GREB1: variants seen among roughly 807,000 people sequenced by gnomAD.
GREB1 encodes growth regulating estrogen receptor binding 1, also known as protein GREB1.
A neutral mutation model predicts 200.7 loss-of-function variants in GREB1; 106 were observed. That is an observed-to-expected ratio of 0.53 (90% CI 0.45 to 0.62). GREB1 has a LOEUF of 0.62. GREB1 is among the 20% of genes least tolerant of loss of function. The pLI is 0.00. For synonymous variants in GREB1, 1,132 were observed against 1,092.4 expected, an observed-to-expected ratio of 1.04 and a Z score of -0.72; for missense variants, 2,243 against 2,556.8, an observed-to-expected ratio of 0.88 and a Z score of 2.65.
rs575515623 is a variant in GREB1 at position 11,622,123 on chromosome 2, C to T, written c.4147+1116C>T. Among the ~76,000 whole-genome samples, 9 of 152,298 alleles carry T rather than the reference C, an allele frequency of 5.9e-5. No individual in the cohort carries two copies. The South Asian group carries it at 6.2e-4, about 11-fold the overall frequency. The stretch of plus-strand genomic sequence containing the variant: ...TTAGACAAATTCTAGCTATGTTGCC[C>T]GGGCTGGAGTGCAGTGGCACCATCT... On this transcript the variant is annotated intron_variant, in intron 23 of 32. Transcript: ENST00000381486.
intron 4 of GREB1, among the ~76,000 whole-genome samples, chr2:11,567,505 C>T (rs777394916): frequency 6.6e-6 from 1 of 152,160 alleles, no homozygotes; most frequent in Non-Finnish European, 1.5e-5. Context: ...GTAAAGAGGA[C>T]AGAGCCAGGA....
intron 10 of GREB1, chr2:11,592,173 C>A: frequency 1.2e-6 from 1 of 842,360 alleles, no homozygotes; most frequent in Non-Finnish European, 1.4e-6. Flanking sequence ...ATTTGGCTTC[C>A]TACTTTTTTT....
At chr2:11,596,817 T>TAGATCG (rs1681299954) in intron 13 of GREB1, among the ~76,000 whole-genome samples, 1 of 85,728 alleles carries the variant, frequency 1.2e-5, no homozygotes, top group Admixed American at 1.7e-4. Flanking sequence ...GGGGCAGGAT[T>TAGATCG]GCAGGTGTGT....
chr2:11,589,323 A>T (rs1572838479), intron 10 of GREB1, among the ~76,000 whole-genome samples: 1 of 152,326 alleles, frequency 6.6e-6, no homozygotes, highest in East Asian at 1.9e-4. Flanking sequence ...TAGGTCATGA[A>T]GAAAGGCCTC....
intron 1 of GREB1, among the ~76,000 whole-genome samples, chr2:11,542,045 T>G (rs1232200223): frequency 6.6e-6 from 1 of 151,778 alleles, no homozygotes; most frequent in Non-Finnish European, 1.5e-5. Context: ...TCTCTTCTAT[T>G]TTGCATTACA....
Position 11,597,407 on chromosome 2 carries a change from C to G in GREB1, c.1955-374C>G, listed in dbSNP as rs567849737. ...TTATTCATACAGAGTTCCTAAATGA[C>G]TGTCGTGTTAGTTTTCTTTTCTGGA... On this transcript the variant is annotated intron_variant, in intron 13 of 32. Coordinates refer to ENST00000381486, the MANE Select transcript of GREB1 (RefSeq NM_014668.4). This position sits in a 1 kb window ranked among gnomAD's most constrained non-coding sequence, Gnocchi z 4.1. 6.6e-6 allele frequency among the ~76,000 whole-genome samples: 1 copy of G among 152,184 alleles called. No homozygotes were observed. Among genetic ancestry groups the G allele is most frequent in the South Asian group, 2.1e-4 (1 of 4,812 alleles).
intron 25 of GREB1, among the ~76,000 whole-genome samples, chr2:11,627,712 C>T (rs1684582178): frequency 6.6e-6 from 1 of 152,200 alleles, no homozygotes; most frequent in African/African-American, 2.4e-5. Context: ...TGACCCAGGG[C>T]TCTGGCTGCC....
At chr2:11,636,803 G>A (rs777833791) in intron 30 of GREB1, among the ~76,000 whole-genome samples, 16,611 of 143,870 alleles carry the variant, frequency 0.12, 1,408 homozygotes, top group Non-Finnish European at 0.17. Flanking sequence ...GGCAGGGGCA[G>A]AGGCAGGGAC....
chr2:11,591,277 G>T, intron 10 of GREB1: 1 of 682,430 alleles, frequency 1.5e-6, no homozygotes, highest in South Asian at 1.6e-5. Flanking sequence ...CAGGTGTCAT[G>T]AACCCCGTGT....
At chr2:11,497,167 T>C (rs1672910703) in intron 1 of GREB1, among the ~76,000 whole-genome samples, 1 of 152,210 alleles carries the variant, frequency 6.6e-6, no homozygotes. Context: ...GTTCTCTATC[T>C]CTATAATTTT....
chr2:11,489,487 T>C (rs1208626324), intron 1 of GREB1, among the ~76,000 whole-genome samples: 1 of 152,150 alleles, frequency 6.6e-6, no homozygotes, highest in African/African-American at 2.4e-5. Flanking sequence ...TAAAGAATGC[T>C]ACTTTGAAGT....
intron 3 of GREB1, chr2:11,563,265 G>A (rs1399547218): frequency 2.6e-5 from 4 of 152,372 alleles, no homozygotes; most frequent in African/African-American, 9.7e-5. Flanking sequence ...GAGCCCCTGG[G>A]CCTGGCTGGA....
chr2:11,531,724 C>T (rs891873324), upstream of GREB1, among the ~76,000 whole-genome samples: 1 of 152,164 alleles, frequency 6.6e-6, no homozygotes, highest in Non-Finnish European at 1.5e-5. Context: ...GCACCTGCCA[C>T]CATGACCAGC....
chr2:11,507,792 A>T (rs1367426017), intron 1 of GREB1, among the ~76,000 whole-genome samples: 5 of 152,092 alleles, frequency 3.3e-5, no homozygotes, highest in Non-Finnish European at 7.4e-5. Flanking sequence ...TCCCGACTCT[A>T]CCATGGAGTC....
intron 11 of GREB1, among the ~76,000 whole-genome samples, chr2:11,594,630 C>T (rs1572856828): frequency 6.6e-6 from 1 of 152,062 alleles, no homozygotes; most frequent in African/African-American, 2.4e-5. Context: ...GCTGAGATTA[C>T]AGGCAAGAGC....
At chr2:11,489,274 C>T (rs892536611) in intron 1 of GREB1, among the ~76,000 whole-genome samples, 1 of 152,130 alleles carries the variant, frequency 6.6e-6, no homozygotes, top group African/African-American at 2.4e-5. Context: ...GGTGAAACCC[C>T]GTCTCTACTG....
chr2:11,607,609 T>TACATATATACATATAC (rs1682508630), intron 17 of GREB1, among the ~76,000 whole-genome samples: 5 of 16,736 alleles, frequency 3.0e-4, no homozygotes, highest in African/African-American at 5.0e-4. Context: ...TATACATATA[T>TACATATATACATATAC]ACACATATAT....
chr2:11,517,425 CT>C, intron 1 of GREB1: 1 of 152,250 alleles, frequency 6.6e-6, no homozygotes, highest in South Asian at 2.1e-4. Context: ...CTGAATGCGC[CT>C]GGTCTCAGAA....
At position 11,634,000 on chromosome 2, in the gene GREB1, G is replaced by C. The variant is rs922082983; in HGVS notation, c.4992-131G>C. ...CCCAGCAGGGTGCCTGGCCCTGGGG[G>C]GACTGTGCGGGGCACCGGCCCGTCC... On this transcript the variant is annotated intron_variant, in intron 28 of 32. Transcript: ENST00000381486. The surrounding 1 kb of genome is among the most constrained non-coding windows in gnomAD (Gnocchi z 4.1). 1 of 817,158 alleles carries C rather than the reference G, an allele frequency of 1.2e-6. No homozygotes were observed. Among genetic ancestry groups the C allele is most frequent in the African/African-American group, 1.7e-5 (1 of 59,446 alleles). The allele number at this position is 817,158 out of a possible 1,614,324, so 50.6% of individuals were successfully genotyped here.
Sources: allele counts gnomAD v4.1 joint callset (sites outside exome capture counted in the v4.1 genomes callset), GRCh38; gene constraint gnomAD v4.1.1; non-coding constraint Gnocchi (gnomAD v3.1); transcripts MANE v1.5; gene names NCBI Gene and HGNC (gene_info 2026-07-23, HGNC 2026-07-21).